Variants in CNTN4 observed in about 807,000 individuals in gnomAD.
The protein encoded by CNTN4 is contactin-4.
CNTN4 carries 77 observed loss-of-function variants against 122.5 expected under a neutral mutation model. The observed-to-expected ratio is 0.63, with a 90% CI of 0.52 to 0.76. The LOEUF is 0.76. Among genes scored for constraint, CNTN4 ranks in the 30% least tolerant of loss-of-function variants. The pLI is 0.00. For synonymous variants in CNTN4, 512 were observed against 447.0 expected (o/e 1.15, Z -1.83); for missense variants, 1,256 against 1,259.1 (o/e 1.00, Z 0.04).
intron 2 of CNTN4, among the ~76,000 whole-genome samples, chr3:2,324,340 G>A (rs1019073210): frequency 2.6e-5 from 4 of 152,138 alleles, no homozygotes; most frequent in South Asian, 2.1e-4. Context: ...AGATACACAC[G>A]CACACTCACA....
At chr3:2,747,479 T>TAA (rs66741843) in intron 6 of CNTN4, among the ~76,000 whole-genome samples, 4 of 149,386 alleles carry the variant, frequency 2.7e-5, no homozygotes, top group South Asian at 2.1e-4. Flanking sequence ...AGCTTACATT[T>TAA]AAAAAAAAAA....
At chr3:2,716,861 T>G (rs972551504) in intron 4 of CNTN4, among the ~76,000 whole-genome samples, 1 of 152,224 alleles carries the variant, frequency 6.6e-6, no homozygotes, top group Non-Finnish European at 1.5e-5. Flanking sequence ...ACATTTCTTA[T>G]GAATGGAATT....
chr3:2,726,060 A>C (rs1047253864), intron 4 of CNTN4, among the ~76,000 whole-genome samples: 12 of 152,278 alleles, frequency 7.9e-5, no homozygotes, highest in Admixed American at 6.5e-4. Flanking sequence ...CCAGAGCTGA[A>C]ACGATGCCAT....
At chr3:2,568,342 CA>C (rs2079274332) in intron 3 of CNTN4, among the ~76,000 whole-genome samples, 1 of 79,544 alleles carries the variant, frequency 1.3e-5, no homozygotes, top group Non-Finnish European at 2.7e-5. Flanking sequence ...AAAAAAAAAC[CA>C]CCCTGTACAA....
At chr3:2,613,223 T>G (rs1194698464) in intron 4 of CNTN4, among the ~76,000 whole-genome samples, 1 of 152,174 alleles carries the variant, frequency 6.6e-6, no homozygotes, top group Non-Finnish European at 1.5e-5. Flanking sequence ...TTTCCATGTA[T>G]TTTATTAATG....
At chr3:2,740,835 T>G (rs1337460270) in intron 5 of CNTN4, among the ~76,000 whole-genome samples, 1 of 152,170 alleles carries the variant, frequency 6.6e-6, no homozygotes, top group Non-Finnish European at 1.5e-5. Flanking sequence ...GACGGCAGTA[T>G]TAGTATAGTG....
chr3:2,616,328 A>G (rs1401884551), intron 4 of CNTN4, among the ~76,000 whole-genome samples: 2 of 152,144 alleles, frequency 1.3e-5, no homozygotes, highest in Admixed American at 1.3e-4. Context: ...TTATGGCTGC[A>G]TAGTATTCCA....
At chr3:2,139,141 T>C (rs1385282751) in intron 2 of CNTN4, among the ~76,000 whole-genome samples, 1 of 152,158 alleles carries the variant, frequency 6.6e-6, no homozygotes, top group Non-Finnish European at 1.5e-5. Flanking sequence ...TTCCTTTAAA[T>C]GGCAGAGCGT....
At chr3:2,196,308 A>G (rs1018879768) in intron 2 of CNTN4, among the ~76,000 whole-genome samples, 2 of 152,180 alleles carry the variant, frequency 1.3e-5, no homozygotes, top group African/African-American at 4.8e-5. Context: ...GGCCAACTTT[A>G]TATTTTTACT....
At chr3:2,923,077 G>A (rs548977041) in intron 12 of CNTN4, among the ~76,000 whole-genome samples, 13 of 152,270 alleles carry the variant, frequency 8.5e-5, no homozygotes, top group Non-Finnish European at 1.3e-4. Flanking sequence ...TTCAAATCCT[G>A]TAAAAGCAAA....
chr3:2,308,048 GT>G (rs1271375019), intron 2 of CNTN4, among the ~76,000 whole-genome samples: 1 of 152,054 alleles, frequency 6.6e-6, no homozygotes, highest in Non-Finnish European at 1.5e-5. Context: ...TTTATGAGAA[GT>G]TTCTTGATTA....
At chr3:2,850,719 A>T (rs2093535665) in intron 7 of CNTN4, among the ~76,000 whole-genome samples, 1 of 152,230 alleles carries the variant, frequency 6.6e-6, no homozygotes, top group Non-Finnish European at 1.5e-5. Context: ...GTCAGATGGG[A>T]GAGAAAAGTC....
chr3:2,137,694 G>C (rs62246961), intron 2 of CNTN4, among the ~76,000 whole-genome samples: 30,107 of 152,210 alleles, frequency 0.2, 3,661 homozygotes, highest in Admixed American at 0.31. Flanking sequence ...AAGTGCTGCA[G>C]ATGATTTAAG....
chr3:2,371,679 G>C (rs937534092), intron 3 of CNTN4, among the ~76,000 whole-genome samples: 1 of 152,102 alleles, frequency 6.6e-6, no homozygotes, highest in Admixed American at 6.6e-5. Context: ...TATCCCCAGT[G>C]CCTTTCACTT....
intron 2 of CNTN4, among the ~76,000 whole-genome samples, chr3:2,101,462 A>G (rs1187236251): frequency 1.3e-5 from 2 of 152,216 alleles, no homozygotes; most frequent in African/African-American, 4.8e-5. Flanking sequence ...TATCTTAAAA[A>G]TTAATATTTT....
chr3:2,742,709 A>G (rs1353295955), intron 5 of CNTN4, among the ~76,000 whole-genome samples: 1 of 152,208 alleles, frequency 6.6e-6, no homozygotes, highest in Non-Finnish European at 1.5e-5. Flanking sequence ...TATGAGACTC[A>G]CAAATTTCTC....
intron 7 of CNTN4, among the ~76,000 whole-genome samples, chr3:2,850,013 G>A (rs545045533): frequency 5.5e-4 from 79 of 143,782 alleles, no homozygotes; most frequent in African/African-American, 1.9e-3. Flanking sequence ...TTTCTGAGAC[G>A]GAGTCTTGCT....
Position 3,034,640 on chromosome 3 carries a change from G to C in CNTN4, c.1792G>C (p.Gly598Arg). ...AADLIVRGPP[G>R]PPEAVTIDEI... The stretch of plus-strand genomic sequence containing the variant: ...GTCTTGCTCTTTCCCAGGTCCTCCA[G>C]GTCCCCCAGAGGCTGTGACAATAGA... Residue 598 changes from glycine (G) to arginine (R), a missense_variant, in exon 17 of 25, where the codon GGT (glycine) becomes CGT (arginine). Physicochemically the swap from Gly to Arg is moderately radical, Grantham distance 125. Coordinates refer to ENST00000418658, the MANE Select transcript of CNTN4 (RefSeq NM_175607.3). 6.2e-7 allele frequency: 1 copy of C among 1,614,092 alleles called. No homozygotes were observed. Among genetic ancestry groups the C allele is most frequent in the South Asian group, 1.1e-5 (1 of 91,066 alleles).
chr3:2,379,357 A>G (rs1270571265), intron 3 of CNTN4, among the ~76,000 whole-genome samples: 3 of 152,012 alleles, frequency 2.0e-5, no homozygotes, highest in African/African-American at 4.8e-5. Flanking sequence ...TGCCTATTAT[A>G]GAAGGGAAAA....
Sources: allele counts gnomAD v4.1 joint callset (sites outside exome capture counted in the v4.1 genomes callset), GRCh38; gene constraint gnomAD v4.1.1; transcripts MANE v1.5; gene names NCBI Gene and HGNC (gene_info 2026-07-23, HGNC 2026-07-21).